Variants in KCNH8 observed in about 807,000 individuals in gnomAD.
KCNH8 encodes the protein potassium voltage-gated channel subfamily H member 8.
In KCNH8, 70 loss-of-function variants were observed where a neutral mutation model predicts 103.6. The observed-to-expected ratio is 0.68, with a 90% CI of 0.56 to 0.82. The LOEUF (loss-of-function observed/expected upper bound fraction) is 0.82. KCNH8 is among the 40% of genes least tolerant of loss of function. The probability of loss-of-function intolerance (pLI) is 0.00; values close to 1 mark genes in which losing one functional copy is unlikely to be tolerated. For missense variants in KCNH8, 1,217 were observed against 1,329.9 expected, an observed-to-expected ratio of 0.92 and a Z score of 1.32; for synonymous variants, 498 against 489.4, an observed-to-expected ratio of 1.02 and a Z score of -0.23.
intron 5 of KCNH8, among the ~76,000 whole-genome samples, chr3:19,376,320 G>T (rs111313719): frequency 2.0e-5 from 3 of 152,136 alleles, no homozygotes; most frequent in South Asian, 4.1e-4. Context: ...TTTTGAAGCC[G>T]GTCGGAAAAG....
At chr3:19,334,221 G>C (rs116108292) in intron 3 of KCNH8, among the ~76,000 whole-genome samples, 1 of 152,152 alleles carries the variant, frequency 6.6e-6, no homozygotes, top group Non-Finnish European at 1.5e-5. Flanking sequence ...GATGGTTCTG[G>C]ACAGGTACAC....
At chr3:19,151,763 T>C (rs2063132714) in intron 1 of KCNH8, among the ~76,000 whole-genome samples, 1 of 151,948 alleles carries the variant, frequency 6.6e-6, no homozygotes. Flanking sequence ...ATTTAAAAAG[T>C]GAGGTCTGTC....
chr3:19,362,901 C>A (rs1428462090), intron 5 of KCNH8, among the ~76,000 whole-genome samples: 1 of 152,126 alleles, frequency 6.6e-6, no homozygotes, highest in South Asian at 2.1e-4. Flanking sequence ...ATCCTCCCCC[C>A]TTAGCCTCCC....
At chr3:19,260,289 A>G (rs1041321768) in intron 2 of KCNH8, among the ~76,000 whole-genome samples, 13 of 151,156 alleles carry the variant, frequency 8.6e-5, no homozygotes, top group African/African-American at 3.1e-4. Context: ...TGTTCATGCA[A>G]GTGTACACAT....
intron 11 of KCNH8, among the ~76,000 whole-genome samples, chr3:19,483,971 T>C (rs2068144721): frequency 6.6e-6 from 1 of 152,220 alleles, no homozygotes; most frequent in South Asian, 2.1e-4. Flanking sequence ...ATAGTCCTAA[T>C]TTATGACAAA....
chr3:19,523,073 C>T (rs1374374132), intron 15 of KCNH8, among the ~76,000 whole-genome samples: 2 of 151,768 alleles, frequency 1.3e-5, no homozygotes, highest in African/African-American at 2.4e-5. Flanking sequence ...CACATTAGCA[C>T]GTTGTTAACT....
At chr3:19,313,473 A>G (rs9812170) in intron 3 of KCNH8, among the ~76,000 whole-genome samples, 20,001 of 151,864 alleles carry the variant, frequency 0.13, 1,620 homozygotes, top group African/African-American at 0.21. Context: ...CTAAAATTCT[A>G]TAATCACACT....
chr3:19,472,511 T>G (rs921181748), intron 11 of KCNH8, among the ~76,000 whole-genome samples: 2 of 152,142 alleles, frequency 1.3e-5, no homozygotes, highest in African/African-American at 4.8e-5. Flanking sequence ...ACAAGCTCTT[T>G]TTACCTGCTG....
chr3:19,234,544 C>T (rs1035906958), intron 1 of KCNH8, among the ~76,000 whole-genome samples: 1 of 152,226 alleles, frequency 6.6e-6, no homozygotes, highest in Admixed American at 6.5e-5. Context: ...AGTGCGGGGT[C>T]CGCGAGCCCT....
At chr3:19,345,800 G>A (rs2065721640) in intron 4 of KCNH8, among the ~76,000 whole-genome samples, 1 of 152,000 alleles carries the variant, frequency 6.6e-6, no homozygotes, top group South Asian at 2.1e-4. Flanking sequence ...AATCTCAAAT[G>A]TATTGAATTC....
At chr3:19,371,932 C>T (rs1336377504) in intron 5 of KCNH8, among the ~76,000 whole-genome samples, 10 of 150,056 alleles carry the variant, frequency 6.7e-5, no homozygotes, top group East Asian at 5.9e-4. Flanking sequence ...AGATATGTGG[C>T]GTTATTTCTG....
intron 5 of KCNH8, among the ~76,000 whole-genome samples, chr3:19,374,265 A>T: frequency 6.6e-6 from 1 of 151,688 alleles, no homozygotes. Context: ...TAGGTCACTC[A>T]GGACTGGCTT....
At chr3:19,299,427 C>T (rs2065036332) in intron 3 of KCNH8, among the ~76,000 whole-genome samples, 1 of 151,806 alleles carries the variant, frequency 6.6e-6, no homozygotes, top group Admixed American at 6.6e-5. Flanking sequence ...TCTGGAAGTT[C>T]GAGTACGGAT....
chr3:19,380,884 AAC>A (rs1337099928), intron 5 of KCNH8, among the ~76,000 whole-genome samples: 2 of 152,254 alleles, frequency 1.3e-5, no homozygotes, highest in African/African-American at 2.4e-5. Flanking sequence ...ATTCTAGCAA[AAC>A]ACAAAAATAT....
At chr3:19,503,452 C>G (rs1371984729) in intron 11 of KCNH8, among the ~76,000 whole-genome samples, 1 of 152,154 alleles carries the variant, frequency 6.6e-6, no homozygotes, top group Non-Finnish European at 1.5e-5. Context: ...GACTATAAAT[C>G]ATGCTGCTAT....
intron 1 of KCNH8, among the ~76,000 whole-genome samples, chr3:19,252,352 G>A (rs183587995): frequency 1.3e-5 from 2 of 151,468 alleles, no homozygotes; most frequent in African/African-American, 4.9e-5. Context: ...TAAGTCTTTT[G>A]TGTTAATATT....
At chr3:19,238,500 T>G (rs1289948731) in intron 1 of KCNH8, among the ~76,000 whole-genome samples, 2 of 152,196 alleles carry the variant, frequency 1.3e-5, no homozygotes, top group African/African-American at 4.8e-5. Context: ...TTGCACCCCT[T>G]TATGAGAATT....
chr3:19,218,648 T>A (rs547292546), intron 1 of KCNH8, among the ~76,000 whole-genome samples: 1 of 152,224 alleles, frequency 6.6e-6, no homozygotes, highest in Non-Finnish European at 1.5e-5. Flanking sequence ...GCTGGAACAA[T>A]GTACCACAAA....
chr3:19,239,999 A>T (rs1216452920), intron 1 of KCNH8, among the ~76,000 whole-genome samples: 2 of 152,184 alleles, frequency 1.3e-5, no homozygotes, highest in Admixed American at 6.5e-5. Flanking sequence ...CGTGGACTCA[A>T]AACATGATTA....
Sources: allele counts gnomAD v4.1 joint callset (sites outside exome capture counted in the v4.1 genomes callset), GRCh38; gene constraint gnomAD v4.1.1; transcripts MANE v1.5; gene names NCBI Gene and HGNC (gene_info 2026-07-23, HGNC 2026-07-21).